The following KIAA1217 variants were observed in gnomAD, a reference collection of about 807,000 sequenced individuals.
KIAA1217 encodes the protein KIAA1217.
Under a neutral mutation model 163.9 loss-of-function variants are expected in KIAA1217, and 88 were observed. The ratio of observed to expected loss-of-function variants is 0.54; its 90% CI spans 0.45 to 0.64. KIAA1217 has a LOEUF of 0.64. Ranked by LOEUF, KIAA1217 falls within the 30% of genes least tolerant of loss-of-function variation. KIAA1217 has a pLI of 0.00. For synonymous variants in KIAA1217, 903 were observed against 923.1 expected (o/e 0.98, Z 0.39); for missense variants, 2,372 against 2,475.0 (o/e 0.96, Z 0.88).
chr10:24,438,557 T>C lies in KIAA1217; in HGVS notation c.846+78T>C, dbSNP rs1165219386. ...CCTCTTGCTTGTACTCCTGATGTAA[T>C]CAGAACTCTACAACTGAGTTTTGGA... On this transcript the variant is annotated intron_variant, in intron 5 of 20. Transcript: ENST00000376454. The C allele has an allele frequency of 4.2e-6, 4 of 949,016 alleles. No homozygotes were observed. In the Admixed American group the frequency reaches 5.2e-5, roughly 12 times the overall value. 58.8% of individuals were successfully genotyped at this position (949,016 alleles called of 1,614,324 possible).
intron 1 of KIAA1217, among the ~76,000 whole-genome samples, chr10:23,932,691 TA>T (rs778255564): frequency 3.5e-4 from 53 of 152,186 alleles, no homozygotes; most frequent in Non-Finnish European, 6.3e-4. Flanking sequence ...GTTTTTACAT[TA>T]AAAAACATGA....
intron 1 of KIAA1217, among the ~76,000 whole-genome samples, chr10:23,888,237 G>T (rs1564508596): frequency 6.6e-6 from 1 of 151,852 alleles, no homozygotes; most frequent in East Asian, 1.9e-4. Flanking sequence ...ATTAAACCTT[G>T]GGACTAGATT....
In KIAA1217 at chr10:24,532,749, C is replaced by A. The variant is rs77208016; in HGVS notation, c.3247-321C>A. ...ATGAGTCAATTACCTCCCACCTGATCCCTCCAATGACACGTGGGAATTACG... is the reference window on the plus strand; with the variant it reads ...ATGAGTCAATTACCTCCCACCTGATACCTCCAATGACACGTGGGAATTACG... On this transcript the variant is annotated intron_variant, in intron 15 of 20. Transcript: ENST00000376454. Among the ~76,000 whole-genome samples, 1,069 of 152,204 alleles carry A rather than the reference C, an allele frequency of 7.0e-3. 9 individuals are homozygous for A. The highest frequency in any genetic ancestry group is 0.024 in the African/African-American group (1,004 of 41,516).
chr10:23,790,542 TGC>T lies in KIAA1217; in HGVS notation c.-321+95309_-321+95310del, dbSNP rs1491536998. 5.3e-4 allele frequency among the ~76,000 whole-genome samples: 49 copies of T among 91,610 alleles called. 7 individuals are homozygous for T. The highest frequency in any genetic ancestry group is 3.1e-3 in the African/African-American group (43 of 14,022). 60.1% of individuals were successfully genotyped at this position (91,610 alleles called of 152,430 possible). A position where few individuals can be genotyped will look rare whatever the true frequency, so the allele number is the denominator to read the frequency against. On this transcript the variant is annotated intron_variant, in intron 1 of 18. Transcript: ENST00000376462. ...ATATATACATATATACATATACATG[TGC>T]ATATATACATATGTACATATGTATA...
chr10:24,507,570 G>A (rs2068534666), intron 9 of KIAA1217, among the ~76,000 whole-genome samples: 1 of 152,044 alleles, frequency 6.6e-6, no homozygotes, highest in South Asian at 2.1e-4. Context: ...CCTAAAAACA[G>A]CAATGGAAAC....
intron 2 of KIAA1217, among the ~76,000 whole-genome samples, chr10:24,088,274 T>TATATATATATATATATACAC (rs1285415158): frequency 1.9e-5 from 2 of 107,252 alleles, no homozygotes; most frequent in African/African-American, 6.2e-5. Context: ...TATATATATA[T>TATATATATATATATATACAC]ACACACATAT....
chr10:24,207,382 G>C (rs1465540652), upstream of KIAA1217, among the ~76,000 whole-genome samples: 1 of 150,286 alleles, frequency 6.7e-6, no homozygotes, highest in Non-Finnish European at 1.5e-5. Flanking sequence ...ATACACAACA[G>C]TATACAAGAA....
At chr10:24,052,776 C>A (rs963903508) in intron 2 of KIAA1217, among the ~76,000 whole-genome samples, 1 of 152,058 alleles carries the variant, frequency 6.6e-6, no homozygotes, top group Non-Finnish European at 1.5e-5. Flanking sequence ...AAATCATTTT[C>A]TTATATTGTT....
At chr10:23,752,471 G>T (rs1839790962) in intron 1 of KIAA1217, among the ~76,000 whole-genome samples, 1 of 152,098 alleles carries the variant, frequency 6.6e-6, no homozygotes, top group Non-Finnish European at 1.5e-5. Context: ...ATGTTAATTG[G>T]ATACTGAAGA....
chr10:23,745,438 T>C (rs1170108176), intron 1 of KIAA1217, among the ~76,000 whole-genome samples: 1 of 152,186 alleles, frequency 6.6e-6, no homozygotes, highest in Non-Finnish European at 1.5e-5. Flanking sequence ...TTCCTAGGCA[T>C]AAATTGGGCA....
At chr10:24,096,961 G>T (rs1022810997) in intron 2 of KIAA1217, among the ~76,000 whole-genome samples, 1 of 152,118 alleles carries the variant, frequency 6.6e-6, no homozygotes, top group Non-Finnish European at 1.5e-5. Flanking sequence ...CTATTGGACA[G>T]AAAAACAAGT....
chr10:23,807,551 G>GGA (rs1260964609), intron 1 of KIAA1217, among the ~76,000 whole-genome samples: 1 of 152,194 alleles, frequency 6.6e-6, no homozygotes, highest in African/African-American at 2.4e-5. Context: ...ACAGTCAGAT[G>GGA]GAGAGATCGA....
chr10:23,972,916 A>G (rs1431928682), intron 1 of KIAA1217, among the ~76,000 whole-genome samples: 1 of 152,026 alleles, frequency 6.6e-6, no homozygotes, highest in Non-Finnish European at 1.5e-5. Context: ...ATGAGAACAC[A>G]TGGACACAGG....
At chr10:24,074,708 T>C (rs1271701375) in intron 2 of KIAA1217, among the ~76,000 whole-genome samples, 450 of 146,790 alleles carry the variant, frequency 3.1e-3, no homozygotes, top group African/African-American at 0.011. Context: ...TTCTTCTTTT[T>C]TTTTTTTTTT....
chr10:24,140,114 C>T (rs888709844), intron 2 of KIAA1217, among the ~76,000 whole-genome samples: 1 of 151,910 alleles, frequency 6.6e-6, no homozygotes, highest in South Asian at 2.1e-4. Flanking sequence ...AATCCCAGCA[C>T]TTTGGGAGGC....
At chr10:23,944,798 T>A (rs1342166655) in intron 1 of KIAA1217, among the ~76,000 whole-genome samples, 1 of 152,046 alleles carries the variant, frequency 6.6e-6, no homozygotes, top group Non-Finnish European at 1.5e-5. Context: ...GTGGCTCACA[T>A]CTGTAATCCC....
chr10:24,056,663 G>A (rs901211056), intron 2 of KIAA1217, among the ~76,000 whole-genome samples: 8 of 151,988 alleles, frequency 5.3e-5, no homozygotes, highest in African/African-American at 1.9e-4. Flanking sequence ...AACAGATGAA[G>A]GTCCGAAAAC....
At chr10:24,144,446 T>C (rs556202298) in intron 2 of KIAA1217, among the ~76,000 whole-genome samples, 1 of 152,358 alleles carries the variant, frequency 6.6e-6, no homozygotes, top group Non-Finnish European at 1.5e-5. Context: ...ACACATCTGC[T>C]TTGCCCTCAT....
intron 2 of KIAA1217, among the ~76,000 whole-genome samples, chr10:24,168,135 G>A (rs2065446332): frequency 6.6e-6 from 1 of 152,082 alleles, no homozygotes; most frequent in Non-Finnish European, 1.5e-5. Context: ...TACTGAACTT[G>A]AATCCTGGGG....
Sources: allele counts gnomAD v4.1 joint callset (sites outside exome capture counted in the v4.1 genomes callset), GRCh38; gene constraint gnomAD v4.1.1; transcripts MANE v1.5; gene names NCBI Gene and HGNC (gene_info 2026-07-23, HGNC 2026-07-21).